Variants in SGCG observed in about 807,000 individuals in gnomAD.
SGCG encodes the protein gamma-sarcoglycan.
In SGCG, 26 loss-of-function variants were observed where a neutral mutation model predicts 29.3. That is an observed-to-expected ratio of 0.89 (90% CI 0.65 to 1.23). The LOEUF is 1.23. Among genes scored for constraint, SGCG ranks in the 50% most tolerant of loss-of-function variants. SGCG has a pLI of 0.00. For missense variants in SGCG, 353 were observed against 356.0 expected (o/e 0.99, Z 0.07); for synonymous variants, 145 against 129.7 (o/e 1.12, Z -0.80).
chr13:23,202,818 G>A (rs1657821367), intron 1 of SGCG, among the ~76,000 whole-genome samples: 1 of 152,070 alleles, frequency 6.6e-6, no homozygotes, highest in African/African-American at 2.4e-5. Context: ...AAATCCCAGA[G>A]AAGAGTATTT....
chr13:23,262,183 G>A (rs1311987909), intron 4 of SGCG, among the ~76,000 whole-genome samples: 1 of 152,024 alleles, frequency 6.6e-6, no homozygotes, highest in Non-Finnish European at 1.5e-5. Context: ...AATGTAAGTG[G>A]TCTAAATGCT....
intron 1 of SGCG, among the ~76,000 whole-genome samples, chr13:23,185,941 T>G (rs1243812622): frequency 6.6e-6 from 1 of 152,204 alleles, no homozygotes; most frequent in African/African-American, 2.4e-5. Flanking sequence ...TTGCTTTGTT[T>G]ACCTAATTTG....
intron 1 of SGCG, among the ~76,000 whole-genome samples, chr13:23,185,160 AT>A (rs1373069345): frequency 1.3e-5 from 2 of 152,180 alleles, no homozygotes; most frequent in Non-Finnish European, 2.9e-5. Flanking sequence ...TTTTCTTAAC[AT>A]TAGTGATCCT....
At chr13:23,168,228 G>T in the SGCG span, among the ~76,000 whole-genome samples, 1 of 152,078 alleles carries the variant, frequency 6.6e-6, no homozygotes, top group Non-Finnish European at 1.5e-5. Flanking sequence ...TGATGTGCCA[G>T]AAAAACCTTC....
chr13:23,285,213 G>A lies in SGCG; in HGVS notation c.505+5735G>A, dbSNP rs1051943040. Among the ~76,000 whole-genome samples, 5 of 152,192 alleles carry A rather than the reference G, an allele frequency of 3.3e-5. No individual in the cohort carries two copies. The East Asian group carries it at 5.8e-4, about 18-fold the overall frequency. On this transcript the variant is annotated intron_variant, in intron 5 of 7. Coordinates refer to ENST00000218867, the MANE Select transcript of SGCG (RefSeq NM_000231.3). ...GTCTGCTGAAGCTGCACCCACAGCC[G>A]CCCCTTCCCCCAGGTGCTGTCCCAG... is the stretch of plus-strand genomic sequence containing the variant.
intron 3 of SGCG, among the ~76,000 whole-genome samples, chr13:23,249,521 C>T (rs545283325): frequency 6.6e-6 from 1 of 151,086 alleles, no homozygotes; most frequent in Non-Finnish European, 1.5e-5. Flanking sequence ...TTCATACCTG[C>T]TTATTATAAA....
intron 2 of SGCG, among the ~76,000 whole-genome samples, chr13:23,225,641 C>T (rs1878864140): frequency 1.3e-5 from 2 of 152,142 alleles, no homozygotes; most frequent in African/African-American, 2.4e-5. Flanking sequence ...ATGCTCACCT[C>T]GTCCTTTCCT....
At chr13:23,301,064 C>T (rs1312042931) in intron 6 of SGCG, among the ~76,000 whole-genome samples, 5 of 152,020 alleles carry the variant, frequency 3.3e-5, no homozygotes, top group Admixed American at 6.5e-5. Flanking sequence ...TGCAGTGAGC[C>T]GAGACCACGC....
At chr13:23,226,647 A>G (rs543694688) in intron 2 of SGCG, among the ~76,000 whole-genome samples, 1 of 152,360 alleles carries the variant, frequency 6.6e-6, no homozygotes, top group Non-Finnish European at 1.5e-5. Flanking sequence ...ATAAGGTGAA[A>G]TAAGTGGAAA....
At chr13:23,162,495 A>G in the SGCG span, among the ~76,000 whole-genome samples, 10 of 152,280 alleles carry the variant, frequency 6.6e-5, no homozygotes, top group South Asian at 4.1e-4. Context: ...GCGTGGTGGC[A>G]GGCGCCTGTA....
At chr13:23,295,322 C>G in intron 5 of SGCG, 93 bp from the exon 6 acceptor site, 1 of 1,058,308 alleles carries the variant, frequency 9.4e-7, no homozygotes, top group Non-Finnish European at 1.5e-6. Flanking sequence ...AGAACAAAAT[C>G]CATATGTTCT....
At position 23,213,820 on chromosome 13, in the gene SGCG, CT is replaced by C. The variant is rs140182690; in HGVS notation, c.195+9932del. On this transcript the variant is annotated intron_variant, in intron 2 of 7. Transcript: ENST00000218867. ...TTCATCGAGAGGCTGGCAGGTGCCCCTAAGGCAGCTGCATGCAGCCACCTGT... is the reference window on the plus strand; with the variant it reads ...TTCATCGAGAGGCTGGCAGGTGCCCCAAGGCAGCTGCATGCAGCCACCTGT... Among the ~76,000 whole-genome samples, 304 of 152,272 alleles carry C rather than the reference CT, an allele frequency of 2.0e-3. 1 individual carries two copies. The highest frequency in any genetic ancestry group is 7.1e-3 in the African/African-American group (297 of 41,566).
chr13:23,177,097 A>C (rs1023450963), upstream of SGCG, among the ~76,000 whole-genome samples: 10 of 152,200 alleles, frequency 6.6e-5, no homozygotes, highest in Non-Finnish European at 7.3e-5. Flanking sequence ...GAAGGACATC[A>C]TGTTAAGTAA....
At chr13:23,303,953 T>G (rs1360003417) in intron 6 of SGCG, among the ~76,000 whole-genome samples, 1 of 152,198 alleles carries the variant, frequency 6.6e-6, no homozygotes, top group Non-Finnish European at 1.5e-5. Flanking sequence ...TTTGCCAATC[T>G]GATAGATTAG....
At chr13:23,314,052 A>G (rs1396726623) in intron 6 of SGCG, among the ~76,000 whole-genome samples, 1 of 152,062 alleles carries the variant, frequency 6.6e-6, no homozygotes, top group Non-Finnish European at 1.5e-5. Flanking sequence ...CTCAGCTTGA[A>G]GACAGCCTAT....
chr13:23,184,756 C>T (rs777872398), intron 1 of SGCG, among the ~76,000 whole-genome samples: 4 of 152,154 alleles, frequency 2.6e-5, no homozygotes, highest in Non-Finnish European at 4.4e-5. Flanking sequence ...CCTCTCCTAA[C>T]CTAGCCGGCT....
intron 6 of SGCG, among the ~76,000 whole-genome samples, chr13:23,296,120 G>A (rs577163719): frequency 9.8e-5 from 15 of 152,310 alleles, no homozygotes; most frequent in East Asian, 1.9e-4. Flanking sequence ...GTCAGCATAC[G>A]TTTCCTGAAG....
chr13:23,301,972 A>G (rs914429420), intron 6 of SGCG, among the ~76,000 whole-genome samples: 1 of 152,178 alleles, frequency 6.6e-6, no homozygotes, highest in African/African-American at 2.4e-5. Context: ...CAGTTTAGCA[A>G]TGATGACCTT....
intron 3 of SGCG, 152 bp downstream of exon 3, chr13:23,234,864 G>T (rs963347717): frequency 9.6e-6 from 6 of 625,660 alleles, no homozygotes; most frequent in Non-Finnish European, 1.4e-5. Context: ...GACTATTGCA[G>T]AATTTATCTC....
Sources: allele counts gnomAD v4.1 joint callset (sites outside exome capture counted in the v4.1 genomes callset), GRCh38; gene constraint gnomAD v4.1.1; transcripts MANE v1.5; gene names NCBI Gene and HGNC (gene_info 2026-07-23, HGNC 2026-07-21).